COL23A1: variants seen among roughly 807,000 people sequenced by gnomAD.
COL23A1 encodes the protein collagen alpha-1(XXIII) chain.
Under a neutral mutation model 99.3 loss-of-function variants are expected in COL23A1, and 97 were observed. The ratio of observed to expected loss-of-function variants is 0.98; its 90% CI spans 0.83 to 1.16. The LOEUF (loss-of-function observed/expected upper bound fraction) is 1.16. COL23A1 is among the 50% of genes most tolerant of loss of function. The pLI, the probability that COL23A1 is intolerant of heterozygous loss-of-function variation, is 0.00. For missense variants in COL23A1, 762 were observed against 757.4 expected, an observed-to-expected ratio of 1.01 and a Z score of -0.07; for synonymous variants, 320 against 308.2, an observed-to-expected ratio of 1.04 and a Z score of -0.40.
At chr5:178,478,894 GCA>G (rs1461534657) in intron 2 of COL23A1, among the ~76,000 whole-genome samples, 1 of 152,146 alleles carries the variant, frequency 6.6e-6, no homozygotes, top group Non-Finnish European at 1.5e-5. Flanking sequence ...AAGGCATGCG[GCA>G]CAGACTCTGC....
At chr5:178,559,558 A>G (rs1298804228) in intron 2 of COL23A1, among the ~76,000 whole-genome samples, 1 of 136,748 alleles carries the variant, frequency 7.3e-6, no homozygotes, top group South Asian at 2.5e-4. Context: ...GCACGTCGAG[A>G]AGTCTGAGAC....
intron 2 of COL23A1, among the ~76,000 whole-genome samples, chr5:178,520,881 A>C (rs1199747225): frequency 2.6e-5 from 4 of 152,222 alleles, no homozygotes; most frequent in Non-Finnish European, 1.5e-5. Context: ...AAGAATTTAT[A>C]GGAATAATTT....
At chr5:178,409,089 A>C (rs1764932548) in intron 2 of COL23A1, among the ~76,000 whole-genome samples, 1 of 152,084 alleles carries the variant, frequency 6.6e-6, no homozygotes, top group Non-Finnish European at 1.5e-5. Flanking sequence ...ATGTCCACAC[A>C]AAAACCTGTA....
intron 2 of COL23A1, among the ~76,000 whole-genome samples, chr5:178,461,158 C>T (rs537535382): frequency 5.9e-5 from 9 of 152,302 alleles, no homozygotes; most frequent in Admixed American, 2.0e-4. Context: ...CGTGCTGCTT[C>T]GCCCCTCAAG....
At chr5:178,555,909 G>A (rs923339513) in intron 2 of COL23A1, among the ~76,000 whole-genome samples, 10 of 152,188 alleles carry the variant, frequency 6.6e-5, no homozygotes, top group Admixed American at 2.6e-4. Flanking sequence ...TGTGTTTGCT[G>A]CGGTAAAGCC....
intron 3 of COL23A1, among the ~76,000 whole-genome samples, chr5:178,299,996 C>T (rs1032433677): frequency 4.6e-5 from 7 of 152,054 alleles, no homozygotes; most frequent in Non-Finnish European, 5.9e-5. Context: ...TCAGATGATC[C>T]GCCCGCCTTG....
At chr5:178,372,320 G>C (rs183690956) in intron 2 of COL23A1, among the ~76,000 whole-genome samples, 3 of 152,338 alleles carry the variant, frequency 2.0e-5, no homozygotes, top group East Asian at 3.9e-4. Flanking sequence ...TTTCCTCCAG[G>C]TTTTCTGTTT....
chr5:178,405,525 T>C (rs1235893510), intron 2 of COL23A1, among the ~76,000 whole-genome samples: 1 of 152,164 alleles, frequency 6.6e-6, no homozygotes, highest in African/African-American at 2.4e-5. Flanking sequence ...CTCCTTTCCT[T>C]TGCATTGTTA....
chr5:178,393,409 T>C (rs575228391), intron 2 of COL23A1, among the ~76,000 whole-genome samples: 4 of 152,144 alleles, frequency 2.6e-5, no homozygotes, highest in African/African-American at 9.7e-5. Context: ...GCTTAATGGG[T>C]GCAGAGTTTT....
At chr5:178,499,735 CAG>C (rs1758419666) in intron 2 of COL23A1, among the ~76,000 whole-genome samples, 1 of 152,224 alleles carries the variant, frequency 6.6e-6, no homozygotes, top group Admixed American at 6.5e-5. Flanking sequence ...TGTGTTCATA[CAG>C]AGACTGGTCC....
chr5:178,407,475 A>G (rs529537654), intron 2 of COL23A1, among the ~76,000 whole-genome samples: 7 of 152,220 alleles, frequency 4.6e-5, no homozygotes, highest in Admixed American at 1.3e-4. Flanking sequence ...CTCAACTCCA[A>G]TGGGAAAAGA....
chr5:178,290,718 G>A (rs1312051421), intron 3 of COL23A1, among the ~76,000 whole-genome samples: 1 of 152,220 alleles, frequency 6.6e-6, no homozygotes, highest in East Asian at 1.9e-4. Flanking sequence ...TGAGGGGATG[G>A]TTTATTTCTA....
chr5:178,377,360 GT>G (rs35302321), intron 2 of COL23A1, among the ~76,000 whole-genome samples: 15,809 of 152,232 alleles, frequency 0.1, 1,662 homozygotes, highest in African/African-American at 0.27. Flanking sequence ...ACTGCCTGGT[GT>G]TTTAAGAAGT....
intron 5 of COL23A1, among the ~76,000 whole-genome samples, chr5:178,270,713 T>C (rs1003967994): frequency 6.6e-6 from 1 of 152,164 alleles, no homozygotes; most frequent in African/African-American, 2.4e-5. Context: ...CATGAGCATC[T>C]TGCCTGGGAC....
intron 2 of COL23A1, among the ~76,000 whole-genome samples, chr5:178,430,152 A>T (rs1302313350): frequency 6.6e-6 from 1 of 152,190 alleles, no homozygotes; most frequent in Non-Finnish European, 1.5e-5. Context: ...TGGAACTGTC[A>T]CTTCGAGACC....
chr5:178,585,522 GGATGACGCTGGAGTAACA>G (rs1763915797), intron 1 of COL23A1, among the ~76,000 whole-genome samples: 2 of 149,296 alleles, frequency 1.3e-5, no homozygotes, highest in African/African-American at 2.5e-5. Context: ...CCACGTCCCT[GGATGACGCTGGAGTAACA>G]CTCCACAGCC....
At chr5:178,566,273 C>T (rs889943941) in intron 1 of COL23A1, among the ~76,000 whole-genome samples, 3 of 152,126 alleles carry the variant, frequency 2.0e-5, no homozygotes, top group Non-Finnish European at 4.4e-5. Context: ...TTAAGGGTGA[C>T]AGAACTGTTC....
intron 3 of COL23A1, among the ~76,000 whole-genome samples, chr5:178,293,255 C>T (rs1414624396): frequency 6.6e-6 from 1 of 151,888 alleles, no homozygotes; most frequent in Non-Finnish European, 1.5e-5. Context: ...GGGGAGAGTC[C>T]TAGAGCCACA....
intron 2 of COL23A1, among the ~76,000 whole-genome samples, chr5:178,394,885 C>T (rs1486427098): frequency 2.6e-5 from 4 of 151,832 alleles, no homozygotes; most frequent in African/African-American, 9.7e-5. Context: ...GGCTTGGTTC[C>T]GGCCCCGGCT....
Sources: gnomAD v4.1 joint callset for allele counts (sites outside exome capture counted in the v4.1 genomes callset) on GRCh38, gnomAD v4.1.1 for gene constraint, MANE v1.5 for transcripts, NCBI Gene and HGNC (gene_info 2026-07-23, HGNC 2026-07-21) for gene names.